The following FGF14 variants were observed in gnomAD, a reference collection of about 807,000 sequenced individuals.
The protein encoded by FGF14 is fibroblast growth factor 14.
Under a neutral mutation model 25.5 loss-of-function variants are expected in FGF14, and 5 were observed. The observed-to-expected ratio is 0.20, with a 90% CI of 0.10 to 0.41. The LOEUF (loss-of-function observed/expected upper bound fraction) is 0.41. Ranked by LOEUF, FGF14 falls within the 10% of genes least tolerant of loss-of-function variation. The pLI is 1.00. For missense variants in FGF14, 222 were observed against 320.1 expected (o/e 0.69, Z 2.34); for synonymous variants, 138 against 118.3 (o/e 1.17, Z -1.08).
chr13:102,019,139 T>C (rs1208833222), intron 1 of FGF14, among the ~76,000 whole-genome samples: 2 of 152,138 alleles, frequency 1.3e-5, no homozygotes, highest in African/African-American at 2.4e-5. Context: ...ATTTTGAGAA[T>C]ATAGTCAGTT....
intron 1 of FGF14, among the ~76,000 whole-genome samples, chr13:102,314,798 A>G (rs2055937472): frequency 1.3e-5 from 2 of 152,116 alleles, no homozygotes; most frequent in Non-Finnish European, 2.9e-5. Context: ...AAAGCTCTGA[A>G]AGCAAGTACT....
At chr13:101,974,614 T>G (rs1002514464) in intron 1 of FGF14, among the ~76,000 whole-genome samples, 1 of 152,162 alleles carries the variant, frequency 6.6e-6, no homozygotes, top group Non-Finnish European at 1.5e-5. Context: ...ACTGTCCCCA[T>G]CAAATACTAT....
chr13:102,314,904 A>G (rs1390439780), intron 1 of FGF14, among the ~76,000 whole-genome samples: 1 of 150,256 alleles, frequency 6.7e-6, no homozygotes, highest in African/African-American at 2.4e-5. Context: ...CTAAAAATTT[A>G]TATATAAAAA....
At chr13:101,890,699 G>A (rs1456395009) in intron 1 of FGF14, among the ~76,000 whole-genome samples, 1 of 152,098 alleles carries the variant, frequency 6.6e-6, no homozygotes, top group Non-Finnish European at 1.5e-5. Context: ...CAGGTCAAGG[G>A]GTCCTGTAGC....
intron 1 of FGF14, among the ~76,000 whole-genome samples, chr13:102,020,757 A>C (rs1346889534): frequency 6.6e-6 from 1 of 152,134 alleles, no homozygotes; most frequent in Non-Finnish European, 1.5e-5. Context: ...ACTAGAGTGC[A>C]GGAACTCTGA....
At chr13:101,895,545 C>T (rs1357853326) in intron 1 of FGF14, among the ~76,000 whole-genome samples, 1 of 152,144 alleles carries the variant, frequency 6.6e-6, no homozygotes, top group Non-Finnish European at 1.5e-5. Flanking sequence ...CACTCAAAAT[C>T]TTAAGACCTT....
intron 1 of FGF14, among the ~76,000 whole-genome samples, chr13:102,014,546 C>A (rs1245223703): frequency 6.6e-6 from 1 of 152,068 alleles, no homozygotes; most frequent in East Asian, 1.9e-4. Flanking sequence ...TGCAGAGGAA[C>A]CAATTATCGA....
chr13:101,740,951 C>T (rs2036514041), intron 3 of FGF14, among the ~76,000 whole-genome samples: 1 of 152,096 alleles, frequency 6.6e-6, no homozygotes, highest in South Asian at 2.1e-4. Flanking sequence ...GGGCAAAGGT[C>T]CTTAAATTTC....
chr13:102,065,986 C>T (rs1320667015), intron 1 of FGF14, among the ~76,000 whole-genome samples: 1 of 151,948 alleles, frequency 6.6e-6, no homozygotes, highest in Non-Finnish European at 1.5e-5. Context: ...TATTCCAATC[C>T]ACTTTTGTGA....
At chr13:102,297,589 G>C (rs1420104618) in intron 1 of FGF14, among the ~76,000 whole-genome samples, 1 of 151,902 alleles carries the variant, frequency 6.6e-6, no homozygotes, top group Non-Finnish European at 1.5e-5. Context: ...GAAATAAAAG[G>C]TTTATTACAA....
intron 1 of FGF14, among the ~76,000 whole-genome samples, chr13:102,278,348 A>G (rs975239860): frequency 6.6e-6 from 1 of 152,222 alleles, no homozygotes; most frequent in African/African-American, 2.4e-5. Flanking sequence ...GAAGCAGCGG[A>G]CAAGTTGAAA....
At chr13:102,246,814 G>C (rs563531383) in intron 1 of FGF14, among the ~76,000 whole-genome samples, 1 of 151,630 alleles carries the variant, frequency 6.6e-6, no homozygotes, top group South Asian at 2.1e-4. Flanking sequence ...AACAAAACTG[G>C]AGGCTTCACG....
Position 101,880,229 on chromosome 13 carries a change from T to C in FGF14, c.194-4933A>G, listed in dbSNP as rs58076287. Among the ~76,000 whole-genome samples, 583 of 152,258 alleles carry C rather than the reference T, an allele frequency of 3.8e-3. 3 individuals are homozygous for C. Among genetic ancestry groups the C allele is most frequent in the African/African-American group, 0.013 (540 of 41,552 alleles). On this transcript the variant is annotated intron_variant, in intron 1 of 4. Transcript: ENST00000376143. ...AATAGCTCTCCACCACTTCTCTGCC[T>C]ATCAGAATCCTATGTCTGCAGGCAC...
chr13:102,057,215 T>C (rs548224773), intron 1 of FGF14, among the ~76,000 whole-genome samples: 2 of 152,220 alleles, frequency 1.3e-5, no homozygotes, highest in Non-Finnish European at 2.9e-5. Context: ...TAACAGAATA[T>C]GAAAAAAATA....
chr13:102,397,666 G>T (rs576864265), intron 1 of FGF14, among the ~76,000 whole-genome samples: 6 of 152,260 alleles, frequency 3.9e-5, no homozygotes, highest in African/African-American at 1.4e-4. Context: ...TACATTATGT[G>T]CCTGAAGAGA....
chr13:102,096,003 A>G (rs201753310), intron 1 of FGF14, among the ~76,000 whole-genome samples: 737 of 66,240 alleles, frequency 0.011, 7 homozygotes, highest in African/African-American at 0.022. Flanking sequence ...GTGTGTGTGT[A>G]TATATATATA....
At chr13:102,386,480 A>C (rs926486029) in intron 1 of FGF14, among the ~76,000 whole-genome samples, 6 of 152,218 alleles carry the variant, frequency 3.9e-5, no homozygotes, top group Non-Finnish European at 7.3e-5. Flanking sequence ...ATTTGAAAGG[A>C]TACATAAAAA....
Position 102,161,565 on chromosome 13 carries a change from TGAAGAAAGAAAGAAGAAGAA to T in FGF14, c.208+239886_208+239905del, listed in dbSNP as rs2047634668. ...TATTCTCTATGCAACCAACTTTCTG[TGAAGAAAGAAAGAAGAAGAA>T]GAAGAAGAAGAAGAAGAAGAAGAAG... is the stretch of plus-strand genomic sequence containing the variant. On this transcript the variant is annotated intron_variant, in intron 1 of 4. Coordinates refer to the FGF14 transcript ENST00000376131. Among the ~76,000 whole-genome samples the T allele has an allele frequency of 1.2e-4, 12 of 97,988 alleles. 3 individuals are homozygous for T. The highest frequency in any genetic ancestry group is 3.7e-4 in the South Asian group (1 of 2,694). 64.3% of individuals were successfully genotyped at this position (97,988 alleles called of 152,430 possible).
chr13:101,898,135 T>A (rs141685708), intron 1 of FGF14, among the ~76,000 whole-genome samples: 3 of 152,102 alleles, frequency 2.0e-5, no homozygotes, highest in Non-Finnish European at 4.4e-5. Context: ...CCTCAAGTGA[T>A]CCACCTGCCT....
Sources: gnomAD v4.1 joint callset for allele counts (sites outside exome capture counted in the v4.1 genomes callset) on GRCh38, gnomAD v4.1.1 for gene constraint, MANE v1.5 for transcripts, NCBI Gene and HGNC (gene_info 2026-07-23, HGNC 2026-07-21) for gene names.